Variants in NRG3 observed in about 807,000 individuals in gnomAD.
NRG3 encodes the protein neuregulin 3.
Under a neutral mutation model 66.9 loss-of-function variants are expected in NRG3, and 31 were observed. The ratio of observed to expected loss-of-function variants is 0.46; its 90% CI spans 0.35 to 0.63. NRG3 has a LOEUF of 0.63. Ranked by LOEUF, NRG3 falls within the 20% of genes least tolerant of loss-of-function variation. The pLI is 0.00. For missense variants in NRG3, 910 were observed against 878.9 expected, an observed-to-expected ratio of 1.04 and a Z score of -0.45; for synonymous variants, 393 against 359.4, an observed-to-expected ratio of 1.09 and a Z score of -1.06.
chr10:82,783,736 T>C (rs1402062793), intron 3 of NRG3, among the ~76,000 whole-genome samples: 1 of 152,198 alleles, frequency 6.6e-6, no homozygotes, highest in Non-Finnish European at 1.5e-5. Context: ...GAACATTCCA[T>C]GCTCGTGGGT....
At chr10:82,656,772 GC>G (rs1482853070) in intron 2 of NRG3, among the ~76,000 whole-genome samples, 1 of 152,066 alleles carries the variant, frequency 6.6e-6, no homozygotes, top group African/African-American at 2.4e-5. Context: ...ATTAAGACAT[GC>G]CCCCTCTTAT....
intron 4 of NRG3, among the ~76,000 whole-genome samples, chr10:82,900,071 G>A (rs1844060084): frequency 6.6e-6 from 1 of 152,176 alleles, no homozygotes; most frequent in Non-Finnish European, 1.5e-5. Flanking sequence ...AGGCAAAGGG[G>A]CAGCAGGCAT....
At position 82,959,090 on chromosome 10, in the gene NRG3, T is replaced by TA; in HGVS notation, c.1284+16dup. The TA allele has an allele frequency of 1.3e-6, 2 of 1,582,290 alleles. No individual in the cohort carries two copies. Among genetic ancestry groups the TA allele is most frequent in the South Asian group, 2.4e-5 (2 of 84,342 alleles). The stretch of plus-strand genomic sequence containing the variant: ...AGCTGCAAAATGTAAGTGACATGTC[T>TA]ACACACCTCCTCCTATAGCCTACCT... On this transcript the variant is annotated intron_variant, in intron 6 of 8. Coordinates refer to ENST00000372141, the MANE Select transcript of NRG3 (RefSeq NM_001010848.4).
chr10:82,733,347 T>C (rs1240593912), intron 2 of NRG3, among the ~76,000 whole-genome samples: 3 of 152,228 alleles, frequency 2.0e-5, no homozygotes, highest in Non-Finnish European at 4.4e-5. Flanking sequence ...ATCAGCTACC[T>C]GCACTTGTTT....
chr10:81,903,723 T>C (rs1371885305), intron 1 of NRG3, among the ~76,000 whole-genome samples: 9 of 152,178 alleles, frequency 5.9e-5, no homozygotes, highest in Non-Finnish European at 8.8e-5. Flanking sequence ...CAAGCAACAG[T>C]ACAAATTGCT....
At chr10:82,608,855 C>A (rs1340612552) in intron 2 of NRG3, among the ~76,000 whole-genome samples, 2 of 152,088 alleles carry the variant, frequency 1.3e-5, no homozygotes, top group East Asian at 3.9e-4. Context: ...ATTAGAAGCA[C>A]CAACATATTT....
chr10:82,382,263 C>T (rs1361012012), intron 2 of NRG3, among the ~76,000 whole-genome samples: 1 of 151,902 alleles, frequency 6.6e-6, no homozygotes, highest in Non-Finnish European at 1.5e-5. Flanking sequence ...TATAATATTT[C>T]ATTTTATCCT....
intron 1 of NRG3, among the ~76,000 whole-genome samples, chr10:81,926,307 A>G (rs1160211642): frequency 6.6e-6 from 1 of 151,886 alleles, no homozygotes; most frequent in Admixed American, 6.6e-5. Flanking sequence ...TTTTTAGTAG[A>G]GACAGGTTTT....
intron 1 of NRG3, among the ~76,000 whole-genome samples, chr10:82,051,083 A>G (rs2063570607): frequency 2.0e-5 from 3 of 152,090 alleles, no homozygotes; most frequent in Non-Finnish European, 4.4e-5. Context: ...CTTCAAATTG[A>G]TATTTATCTA....
chr10:82,631,588 G>GTTTT (rs59620029), intron 2 of NRG3, among the ~76,000 whole-genome samples: 1 of 132,390 alleles, frequency 7.6e-6, no homozygotes, highest in Non-Finnish European at 1.6e-5. Flanking sequence ...TTCAGCCGTG[G>GTTTT]TTTTTTTTTT....
At chr10:82,428,379 T>C (rs2089585693) in intron 2 of NRG3, among the ~76,000 whole-genome samples, 1 of 151,888 alleles carries the variant, frequency 6.6e-6, no homozygotes, top group Admixed American at 6.6e-5. Context: ...TGTTGGTACG[T>C]TGTTTTTTCT....
intron 1 of NRG3, among the ~76,000 whole-genome samples, chr10:82,052,503 T>A (rs372466683): frequency 3.3e-5 from 5 of 152,322 alleles, no homozygotes; most frequent in African/African-American, 1.2e-4. Flanking sequence ...CCTCTGGGAA[T>A]CTCAAAGACC....
intron 1 of NRG3, among the ~76,000 whole-genome samples, chr10:82,281,862 T>G (rs2079138487): frequency 6.6e-6 from 1 of 152,222 alleles, no homozygotes; most frequent in Non-Finnish European, 1.5e-5. Flanking sequence ...TTTTAATTCA[T>G]TTTTACATTA....
intron 1 of NRG3, among the ~76,000 whole-genome samples, chr10:81,984,656 C>G (rs1054469145): frequency 2.0e-5 from 3 of 152,190 alleles, no homozygotes; most frequent in Admixed American, 1.3e-4. Context: ...TTCTGTGACT[C>G]TTTCCACAGA....
intron 6 of NRG3, among the ~76,000 whole-genome samples, chr10:82,961,424 T>C (rs1048953192): frequency 3.9e-5 from 6 of 152,326 alleles, no homozygotes; most frequent in African/African-American, 4.8e-5. Flanking sequence ...GTTCTAACAA[T>C]TAATTTATAC....
intron 2 of NRG3, among the ~76,000 whole-genome samples, chr10:82,427,411 T>C (rs2089518805): frequency 6.6e-6 from 1 of 152,184 alleles, no homozygotes; most frequent in Non-Finnish European, 1.5e-5. Flanking sequence ...TTTTGCCAAA[T>C]GCTTTTTCTA....
chr10:81,915,727 C>A (rs1039033200), intron 1 of NRG3, among the ~76,000 whole-genome samples: 1 of 152,062 alleles, frequency 6.6e-6, no homozygotes, highest in African/African-American at 2.4e-5. Flanking sequence ...TCTGTGAGAT[C>A]CCTGAGAGCC....
chr10:82,092,475 C>T (rs1342334807), intron 1 of NRG3, among the ~76,000 whole-genome samples: 7 of 152,072 alleles, frequency 4.6e-5, no homozygotes, highest in Non-Finnish European at 1.5e-5. Flanking sequence ...CCACCCACCC[C>T]CTACCCAAGA....
intron 1 of NRG3, among the ~76,000 whole-genome samples, chr10:82,200,559 A>T (rs2074744162): frequency 6.6e-6 from 1 of 152,142 alleles, no homozygotes; most frequent in South Asian, 2.1e-4. Flanking sequence ...GGTGGCATCG[A>T]TGTCTAATAT....
Sources: gnomAD v4.1 joint callset for allele counts (sites outside exome capture counted in the v4.1 genomes callset) on GRCh38, gnomAD v4.1.1 for gene constraint, MANE v1.5 for transcripts, NCBI Gene and HGNC (gene_info 2026-07-23, HGNC 2026-07-21) for gene names.